The following FBXW2 variants were observed in gnomAD, a reference collection of about 807,000 sequenced individuals.
FBXW2 encodes F-box/WD repeat-containing protein 2.
In FBXW2, 12 loss-of-function variants were observed where a neutral mutation model predicts 46.0. That is an observed-to-expected ratio of 0.26 (90% CI 0.17 to 0.42). The LOEUF is 0.42. FBXW2 is among the 10% of genes least tolerant of loss of function. The pLI is 1.00. For synonymous variants in FBXW2, 203 were observed against 209.6 expected, an observed-to-expected ratio of 0.97 and a Z score of 0.27; for missense variants, 360 against 537.0, an observed-to-expected ratio of 0.67 and a Z score of 3.26.
chr9:120,765,884 A>G (rs2131280513), intron 7 of FBXW2, among the ~76,000 whole-genome samples: 1 of 152,340 alleles, frequency 6.6e-6, no homozygotes, highest in African/African-American at 2.4e-5. Flanking sequence ...GCAGTTTCCA[A>G]GACATCAATG....
At chr9:120,777,460 T>C (rs2044521130) in intron 4 of FBXW2, among the ~76,000 whole-genome samples, 1 of 152,244 alleles carries the variant, frequency 6.6e-6, no homozygotes, top group South Asian at 2.1e-4. Flanking sequence ...ACTGTCCTTA[T>C]GGAGTTTAGT....
At position 120,776,399 on chromosome 9, in the gene FBXW2, A is replaced by C. The variant is rs887020271; in HGVS notation, c.686-173T>G. The C allele has an allele frequency of 1.5e-5, 10 of 657,782 alleles. No individual in the cohort carries two copies. The Admixed American group carries it at 3.0e-4, about 20-fold the overall frequency. 40.7% of individuals were successfully genotyped at this position (657,782 alleles called of 1,614,324 possible). On this transcript the variant is annotated intron_variant, in intron 4 of 7. Coordinates refer to ENST00000608872, the MANE Select transcript of FBXW2 (RefSeq NM_012164.4). ...ATAAAACTATTTCAAAATTCTTACTATTATAGCTTATTATTCTAAGGTGGA... is the reference window on the plus strand; with the variant it reads ...ATAAAACTATTTCAAAATTCTTACTCTTATAGCTTATTATTCTAAGGTGGA...
At position 120,763,997 on chromosome 9, in the gene FBXW2, T is replaced by C. The variant is rs1373503740; in HGVS notation, c.*562A>G. The stretch of plus-strand genomic sequence containing the variant: ...AGTTGCTAACATTCAATTTACAGAA[T>C]TGGATTTGAACTGGAAGACAGACTT... On this transcript the variant is annotated 3_prime_UTR_variant, in exon 8 of 8. Coordinates refer to ENST00000608872, the MANE Select transcript of FBXW2 (RefSeq NM_012164.4). The C allele has an allele frequency of 1.2e-5, 2 of 164,818 alleles. No homozygotes were observed. The highest frequency in any genetic ancestry group is 1.7e-4 in the East Asian group (1 of 5,758). 10.2% of individuals were successfully genotyped at this position (164,818 alleles called of 1,614,324 possible). A position where few individuals can be genotyped will look rare whatever the true frequency, so the allele number is the denominator to read the frequency against.
In FBXW2 at chr9:120,757,707, A is replaced by C. The variant is rs1424518807; in HGVS notation, c.*6852T>G. The stretch of plus-strand genomic sequence containing the variant: ...TTCTCCATAAGTTTTTATTACTGTT[A>C]GATTATCTTTACCACAGAGAGCACA... On this transcript the variant is annotated 3_prime_UTR_variant, in exon 8 of 8. Coordinates refer to ENST00000608872, the MANE Select transcript of FBXW2 (RefSeq NM_012164.4). 6.6e-6 allele frequency: 1 copy of C among 152,204 alleles called. No homozygotes were observed. Among genetic ancestry groups the C allele is most frequent in the African/African-American group, 2.4e-5 (1 of 41,442 alleles). The allele number at this position is 152,204 out of a possible 1,614,324, so 9.4% of individuals were successfully genotyped here. A position where few individuals can be genotyped will look rare whatever the true frequency, so the allele number is the denominator to read the frequency against.
At chr9:120,775,083 A>C (rs1383699497) in intron 5 of FBXW2, among the ~76,000 whole-genome samples, 1 of 150,154 alleles carries the variant, frequency 6.7e-6, no homozygotes, top group Non-Finnish European at 1.5e-5. Context: ...TTTTTGAAAG[A>C]GTCTCACTTT....
Position 120,763,626 on chromosome 9 carries a change from C to T in FBXW2, c.*933G>A, listed in dbSNP as rs1024929925. 5.3e-5 allele frequency: 8 copies of T among 152,028 alleles called. No homozygotes were observed. The highest frequency in any genetic ancestry group is 1.2e-4 in the African/African-American group (5 of 41,360). The allele number at this position is 152,028 out of a possible 1,614,324, so 9.4% of individuals were successfully genotyped here. Reference sequence around the variant, plus strand: ...ACAGTCATTTCATTTAAATATTATCCGACCTGAAAGAAACCATGAATCAGG... The same window carrying T: ...ACAGTCATTTCATTTAAATATTATCTGACCTGAAAGAAACCATGAATCAGG... On this transcript the variant is annotated 3_prime_UTR_variant, in exon 8 of 8. Coordinates refer to ENST00000608872, the MANE Select transcript of FBXW2 (RefSeq NM_012164.4).
Position 120,764,484 on chromosome 9 carries a change from C to T in FBXW2, c.*75G>A, listed in dbSNP as rs544198020. 11 of 1,492,154 alleles carry T rather than the reference C, an allele frequency of 7.4e-6. No individual in the cohort carries two copies. In the East Asian group the frequency reaches 9.1e-5, roughly 12 times the overall value. The allele number at this position is 1,492,154 out of a possible 1,614,324, so 92.4% of individuals were successfully genotyped here. A position where few individuals can be genotyped will look rare whatever the true frequency, so the allele number is the denominator to read the frequency against. ...AGGTGAGAACTTTGGTTCATGCAGT[C>T]GGCTGCCGCAGAGGTTGCACCCAAA... On this transcript the variant is annotated 3_prime_UTR_variant, in exon 8 of 8. Coordinates refer to ENST00000608872, the MANE Select transcript of FBXW2 (RefSeq NM_012164.4).
rs569828501 is a variant in FBXW2, at chr9:120,758,589, A to C, written c.*5970T>G. Reference sequence around the variant, plus strand: ...GACTTGAAATACAGAAAGAACAGACAAACATGAAAACATGGAAAAAATCCA... The same window carrying C: ...GACTTGAAATACAGAAAGAACAGACCAACATGAAAACATGGAAAAAATCCA... On this transcript the variant is annotated 3_prime_UTR_variant, in exon 8 of 8. Coordinates refer to ENST00000608872, the MANE Select transcript of FBXW2 (RefSeq NM_012164.4). 6.6e-6 allele frequency: 1 copy of C among 152,378 alleles called. No individual in the cohort carries two copies. Among genetic ancestry groups the C allele is most frequent in the Non-Finnish European group, 1.5e-5 (1 of 68,064 alleles). 9.4% of individuals were successfully genotyped at this position (152,378 alleles called of 1,614,324 possible). A position where few individuals can be genotyped will look rare whatever the true frequency, so the allele number is the denominator to read the frequency against.
chr9:120,771,453 C>T lies in FBXW2; in HGVS notation c.971G>A (p.Arg324Lys). The T allele has an allele frequency of 1.2e-6, 2 of 1,614,174 alleles. No homozygotes were observed. The highest frequency in any genetic ancestry group is 8.5e-7 in the Non-Finnish European group (1 of 1,180,022). The change falls in exon 7 of 8, where the codon AGA becomes AAA. Residue 324 changes from arginine (R) to lysine (K), a missense_variant. By Grantham distance (26) the Arg-to-Lys change is conservative. Coordinates refer to ENST00000608872, the MANE Select transcript of FBXW2 (RefSeq NM_012164.4). ...AAGTCTTGGCTGCAGGCAGATACTT[C>T]TATCCTCAGAGACAGACAATGTCTT... Reference protein sequence around the residue: ...CLKTLSVSEDRSICLQPRLHF... With the variant: ...CLKTLSVSEDKSICLQPRLHF...
chr9:120,775,324 G>A (rs1381494827), intron 5 of FBXW2, among the ~76,000 whole-genome samples: 2 of 152,220 alleles, frequency 1.3e-5, no homozygotes, highest in Non-Finnish European at 2.9e-5. Flanking sequence ...GATTACACAT[G>A]TAAGCCTCTG....
intron 3 of FBXW2, among the ~76,000 whole-genome samples, chr9:120,783,046 T>C (rs182469814): frequency 2.6e-5 from 4 of 152,268 alleles, no homozygotes; most frequent in Admixed American, 2.6e-4. Context: ...CACTCAACTG[T>C]ATGCTTTAAA....
rs1161734540 is a variant in FBXW2 at position 120,763,956 on chromosome 9, T to C, written c.*603A>G. 2 of 154,210 alleles carry C rather than the reference T, an allele frequency of 1.3e-5. No individual in the cohort carries two copies. The highest frequency in any genetic ancestry group is 4.8e-5 in the African/African-American group (2 of 41,532). 9.6% of individuals were successfully genotyped at this position (154,210 alleles called of 1,614,324 possible). Reference sequence around the variant, plus strand: ...ATGGCCAACCTTGACTCTGCCAAGATATAAGGTTTAGAATGAGTTGCTAAC... The same window carrying C: ...ATGGCCAACCTTGACTCTGCCAAGACATAAGGTTTAGAATGAGTTGCTAAC... On this transcript the variant is annotated 3_prime_UTR_variant, in exon 8 of 8. Transcript: ENST00000608872.
At position 120,781,794 on chromosome 9, in the gene FBXW2, G is replaced by A. The variant is rs138752468; in HGVS notation, c.491-3249C>T. 2.2e-3 allele frequency among the ~76,000 whole-genome samples: 327 copies of A among 151,142 alleles called. 1 individual carries two copies. Among genetic ancestry groups the A allele is most frequent in the Middle Eastern group, 0.014 (4 of 290 alleles). On this transcript the variant is annotated intron_variant, in intron 3 of 7. Coordinates refer to ENST00000608872, the MANE Select transcript of FBXW2 (RefSeq NM_012164.4). ...TCCCAACACTTTGGGAGGCCGAGGC[G>A]GGAGGATCACCTGAGGTCAGGAGTT...
intron 3 of FBXW2, 91 bp from the exon 4 acceptor site, chr9:120,778,636 T>C (rs2044549176): frequency 1.9e-6 from 2 of 1,061,782 alleles, no homozygotes; most frequent in Admixed American, 4.5e-5. Flanking sequence ...TCAAGAACAT[T>C]AACGGTCCCT....
rs766030191 is a variant in FBXW2 at position 120,771,356 on chromosome 9, A to G, written c.1068T>C (p.Asp356=). ...GLYQWDFASY[D]ILRVIKTPEI... The stretch of plus-strand genomic sequence containing the variant: ...GTCGAAGGAAACATTACCTGAGAAT[A>G]TCATAACTGGCAAAGTCCCACTGGT... Residue 356 remains aspartate, a synonymous_variant, in exon 7 of 8, where the codon GAT becomes GAC. Transcript: ENST00000608872. 7 of 1,609,934 alleles carry G rather than the reference A, an allele frequency of 4.3e-6. No homozygotes were observed. Among genetic ancestry groups the G allele is most frequent in the Non-Finnish European group, 4.2e-6 (5 of 1,178,642 alleles).
chr9:120,771,627 A>C, intron 6 of FBXW2, 110 bp from the exon 7 acceptor site: 1 of 904,698 alleles, frequency 1.1e-6, no homozygotes, highest in South Asian at 1.8e-5. Context: ...AGTATACTGG[A>C]AAGACCCCAG....
At chr9:120,778,809 C>A (rs2044552715) in intron 3 of FBXW2, among the ~76,000 whole-genome samples, 1 of 152,188 alleles carries the variant, frequency 6.6e-6, no homozygotes, top group South Asian at 2.1e-4. Flanking sequence ...GGTCATTAGA[C>A]TAAAAGCATC....
chr9:120,764,799 T>A lies in FBXW2; in HGVS notation c.1125A>T (p.Gly375=). 1 of 1,607,630 alleles carries A rather than the reference T, an allele frequency of 6.2e-7. No homozygotes were observed. The highest frequency in any genetic ancestry group is 8.5e-7 in the Non-Finnish European group (1 of 1,175,246). ...EIANLALLGF[G]DIFALLFDNR... ...TGTCAAACAGCAGGGCAAAGATATC[T>A]CCAAAGCCAAGCAAGGCCAAGTTTG... is the stretch of plus-strand genomic sequence containing the variant. The change falls in exon 8 of 8, where the codon GGA becomes GGT. Residue 375 remains glycine, a synonymous_variant. Coordinates refer to ENST00000608872, the MANE Select transcript of FBXW2 (RefSeq NM_012164.4).
chr9:120,793,140 G>A lies in FBXW2; in HGVS notation c.-21+9C>T. ...TTGCTCTCGGAATCGTGTTCCGCGC[G>A]GCACTGACCTGAGCGAGCGCCCCGG... On this transcript the variant is annotated intron_variant, in intron 2 of 7. Transcript: ENST00000608872. 3 of 628,426 alleles carry A rather than the reference G, an allele frequency of 4.8e-6. No homozygotes were observed. The highest frequency in any genetic ancestry group is 8.3e-6 in the Non-Finnish European group (3 of 362,744). The allele number at this position is 628,426 out of a possible 1,614,324, so 38.9% of individuals were successfully genotyped here.
Sources: allele counts gnomAD v4.1 joint callset (sites outside exome capture counted in the v4.1 genomes callset), GRCh38; gene constraint gnomAD v4.1.1; transcripts MANE v1.5; gene names NCBI Gene and HGNC (gene_info 2026-07-23, HGNC 2026-07-21).